PARP8: variants seen among roughly 807,000 people sequenced by gnomAD.
PARP8 encodes poly(ADP-ribose) polymerase family member 8, also known as protein mono-ADP-ribosyltransferase PARP8.
A neutral mutation model predicts 124.1 loss-of-function variants in PARP8; 51 were observed. That is an observed-to-expected ratio of 0.41 (90% CI 0.33 to 0.52). PARP8 has a LOEUF of 0.52. PARP8 is among the 20% of genes least tolerant of loss of function. The pLI is 0.21. For missense variants in PARP8, 860 were observed against 1,018.9 expected (o/e 0.84, Z 2.12); for synonymous variants, 391 against 361.5 (o/e 1.08, Z -0.93).
Position 50,826,813 on chromosome 5 carries a change from T to C in PARP8, c.1977+10T>C. ...ACTGCCAGTTAACAGGGTAAGTTGT[T>C]TTTTTTTTTTTTACATATGCATACA... On this transcript the variant is annotated intron_variant, in intron 19 of 25. Transcript: ENST00000281631. The C allele has an allele frequency of 2.3e-6, 2 of 884,360 alleles. No individual in the cohort carries two copies. The highest frequency in any genetic ancestry group is 1.5e-6 in the Non-Finnish European group (1 of 651,266). The allele number at this position is 884,360 out of a possible 1,614,324, so 54.8% of individuals were successfully genotyped here. A position where few individuals can be genotyped will look rare whatever the true frequency, so the allele number is the denominator to read the frequency against.
At chr5:50,832,578 A>G (rs914413369) in intron 22 of PARP8, among the ~76,000 whole-genome samples, 1 of 152,168 alleles carries the variant, frequency 6.6e-6, no homozygotes. Flanking sequence ...CTTGCTTTCA[A>G]TGCAAAAAAA....
At chr5:50,723,242 A>T (rs1756082428) in intron 2 of PARP8, among the ~76,000 whole-genome samples, 1 of 152,056 alleles carries the variant, frequency 6.6e-6, no homozygotes, top group Admixed American at 6.6e-5. Flanking sequence ...GTTTTACAAA[A>T]CTCACTCCAG....
At chr5:50,683,770 T>C (rs1751551969) in intron 2 of PARP8, among the ~76,000 whole-genome samples, 1 of 152,100 alleles carries the variant, frequency 6.6e-6, no homozygotes, top group African/African-American at 2.4e-5. Flanking sequence ...CAAACAGAAA[T>C]AAACTCCCTA....
At chr5:50,710,900 C>G (rs1470246335) in intron 2 of PARP8, among the ~76,000 whole-genome samples, 1 of 152,110 alleles carries the variant, frequency 6.6e-6, no homozygotes, top group Non-Finnish European at 1.5e-5. Flanking sequence ...CTGTTTCTAT[C>G]TGTAGCTTTA....
At position 50,667,979 on chromosome 5, in the gene PARP8, C is replaced by T. The variant is rs1190441856; in HGVS notation, c.92-92C>T. On this transcript the variant is annotated intron_variant, in intron 1 of 25. Coordinates refer to ENST00000281631, the MANE Select transcript of PARP8 (RefSeq NM_024615.4). ...CTTGCCTTCTGCCCGGCCAGGCCTC[C>T]CCTGACACCACCGAATGTGGGGCTC... is the stretch of plus-strand genomic sequence containing the variant. The T allele has an allele frequency of 3.7e-6, 6 of 1,605,058 alleles. No individual in the cohort carries two copies. In the East Asian group the frequency reaches 1.3e-4, roughly 36 times the overall value.
intron 14 of PARP8, 128 bp downstream of exon 14, chr5:50,797,361 A>G (rs1454093654): frequency 2.3e-5 from 15 of 651,750 alleles, no homozygotes; most frequent in Non-Finnish European, 3.2e-5. Flanking sequence ...AATTATTTAC[A>G]TATAATTTTG....
At chr5:50,762,898 C>T (rs1289718239) in intron 6 of PARP8, among the ~76,000 whole-genome samples, 1 of 152,170 alleles carries the variant, frequency 6.6e-6, no homozygotes, top group African/African-American at 2.4e-5. Flanking sequence ...TTTAGATTAT[C>T]TGCCAGACAT....
intron 14 of PARP8, among the ~76,000 whole-genome samples, chr5:50,815,228 A>AT (rs913623135): frequency 1.3e-5 from 2 of 152,014 alleles, no homozygotes; most frequent in East Asian, 3.8e-4. Flanking sequence ...TTTTTATAAT[A>AT]TTTTTTACTC....
rs1011436868 is a variant in PARP8, at chr5:50,738,851, G to T, written c.147-11300G>T. 15 of 615,370 alleles carry T rather than the reference G, an allele frequency of 2.4e-5. No homozygotes were observed. The African/African-American group carries it at 2.7e-4, about 11-fold the overall frequency. The allele number at this position is 615,370 out of a possible 1,614,324, so 38.1% of individuals were successfully genotyped here. On this transcript the variant is annotated intron_variant, in intron 2 of 25. Transcript: ENST00000281631. The stretch of plus-strand genomic sequence containing the variant: ...GGCTTGGACGAGCTTGGCTTAAACA[G>T]TAAAAAGGATAGTTATTTGTTCATG...
intron 2 of PARP8, among the ~76,000 whole-genome samples, chr5:50,743,809 C>T (rs1450175634): frequency 6.6e-6 from 1 of 152,018 alleles, no homozygotes; most frequent in Non-Finnish European, 1.5e-5. Context: ...GAGATCTGTA[C>T]TCCTAAGCAT....
At chr5:50,774,531 G>A (rs1761968989) in intron 7 of PARP8, among the ~76,000 whole-genome samples, 1 of 129,766 alleles carries the variant, frequency 7.7e-6, no homozygotes, top group Non-Finnish European at 1.6e-5. Context: ...GGGGTGGCCG[G>A]GCAGAGGCGC....
chr5:50,689,193 A>G (rs1222811719), intron 2 of PARP8, among the ~76,000 whole-genome samples: 1 of 152,006 alleles, frequency 6.6e-6, no homozygotes, highest in African/African-American at 2.4e-5. Flanking sequence ...TGAAACTGTA[A>G]ACTGTGTTCT....
chr5:50,704,820 A>G (rs1371459663), intron 2 of PARP8, among the ~76,000 whole-genome samples: 2 of 152,190 alleles, frequency 1.3e-5, no homozygotes, highest in Admixed American at 6.5e-5. Context: ...TTTCTTTTGG[A>G]CAGTACTGCT....
chr5:50,776,257 G>A (rs1200164178), intron 7 of PARP8, among the ~76,000 whole-genome samples: 1 of 152,150 alleles, frequency 6.6e-6, no homozygotes, highest in East Asian at 1.9e-4. Flanking sequence ...CATGGTGTAT[G>A]ATTTTTTTAA....
chr5:50,667,621 G>A lies in PARP8; in HGVS notation c.91+435G>A, dbSNP rs1448984351. On this transcript the variant is annotated intron_variant, in intron 1 of 25. Transcript: ENST00000281631. ...GCGCTTGTAAGCTGCGCCCGGCGCC[G>A]AGGACCCCCGGGGGGCAGCGCTCGG... 20 of 698,920 alleles carry A rather than the reference G, an allele frequency of 2.9e-5. No homozygotes were observed. The African/African-American group carries it at 3.3e-4, about 12-fold the overall frequency. The allele number at this position is 698,920 out of a possible 1,614,324, so 43.3% of individuals were successfully genotyped here. A position where few individuals can be genotyped will look rare whatever the true frequency, so the allele number is the denominator to read the frequency against.
intron 6 of PARP8, among the ~76,000 whole-genome samples, 172 bp from the exon 7 acceptor site, chr5:50,762,976 A>G (rs939287476): frequency 1.3e-5 from 2 of 152,238 alleles, no homozygotes; most frequent in Non-Finnish European, 2.9e-5. Context: ...AGTTCCAACC[A>G]TAATCAATTT....
chr5:50,773,867 TC>T (rs1223335975), intron 7 of PARP8, among the ~76,000 whole-genome samples: 6 of 151,242 alleles, frequency 4.0e-5, no homozygotes, highest in Non-Finnish European at 1.5e-5. Flanking sequence ...TATTGATCAT[TC>T]TTGGGTGTTT....
intron 5 of PARP8, among the ~76,000 whole-genome samples, 172 bp from the exon 6 acceptor site, chr5:50,761,649 A>G (rs1760557689): frequency 6.6e-6 from 1 of 152,092 alleles, no homozygotes; most frequent in African/African-American, 2.4e-5. Flanking sequence ...GAATACACTC[A>G]CAAAGCCATT....
intron 25 of PARP8, among the ~76,000 whole-genome samples, chr5:50,836,109 C>T (rs1341637254): frequency 6.6e-6 from 1 of 152,184 alleles, no homozygotes; most frequent in African/African-American, 2.4e-5. Context: ...GTGAGACTTA[C>T]AAGCTGCCTG....
Sources: gnomAD v4.1 joint callset for allele counts (sites outside exome capture counted in the v4.1 genomes callset) on GRCh38, gnomAD v4.1.1 for gene constraint, MANE v1.5 for transcripts, NCBI Gene and HGNC (gene_info 2026-07-23, HGNC 2026-07-21) for gene names.